ASAP2: variants seen among roughly 807,000 people sequenced by gnomAD.
The protein encoded by ASAP2 is arf-GAP with SH3 domain, ANK repeat and PH domain-containing protein 2.
A neutral mutation model predicts 131.4 loss-of-function variants in ASAP2; 45 were observed. The ratio of observed to expected loss-of-function variants is 0.34; its 90% CI spans 0.27 to 0.44. The LOEUF (loss-of-function observed/expected upper bound fraction) is 0.44. ASAP2 is among the 20% of genes least tolerant of loss of function. The pLI, the probability that ASAP2 is intolerant of heterozygous loss-of-function variation, is 1.00. For missense variants in ASAP2, 1,011 were observed against 1,297.0 expected, an observed-to-expected ratio of 0.78 and a Z score of 3.39; for synonymous variants, 510 against 503.0, an observed-to-expected ratio of 1.01 and a Z score of -0.19.
chr2:9,254,236 A>AATATATATATATATATATATATATAT (rs34570938), intron 1 of ASAP2, among the ~76,000 whole-genome samples: 15 of 47,098 alleles, frequency 3.2e-4, no homozygotes, highest in Admixed American at 2.7e-3. Context: ...AAAAAAAAAA[A>AATATATATATATATATATATATATAT]ATATATATAT....
intron 15 of ASAP2, among the ~76,000 whole-genome samples, chr2:9,366,968 C>T (rs1002199789): frequency 6.6e-6 from 1 of 151,876 alleles, no homozygotes; most frequent in Non-Finnish European, 1.5e-5. Context: ...GAGATAGACC[C>T]GATTTCAGGC....
chr2:9,262,094 C>G (rs950641215), intron 1 of ASAP2, among the ~76,000 whole-genome samples: 1 of 152,210 alleles, frequency 6.6e-6, no homozygotes, highest in African/African-American at 2.4e-5. Flanking sequence ...AGCGATCCTC[C>G]TGCCTCAGCC....
At chr2:9,265,629 T>TCAG (rs1469261604) in intron 1 of ASAP2, among the ~76,000 whole-genome samples, 3 of 152,266 alleles carry the variant, frequency 2.0e-5, no homozygotes, top group Non-Finnish European at 4.4e-5. Flanking sequence ...TCTTTCTGTA[T>TCAG]CTTTATATAC....
At chr2:9,252,018 A>G (rs1664744190) in intron 1 of ASAP2, among the ~76,000 whole-genome samples, 1 of 152,086 alleles carries the variant, frequency 6.6e-6, no homozygotes, top group African/African-American at 2.4e-5. Context: ...GTACTTGGGA[A>G]GTACTGGCCA....
chr2:9,233,901 AG>A (rs1293243526), intron 1 of ASAP2, among the ~76,000 whole-genome samples: 1 of 152,058 alleles, frequency 6.6e-6, no homozygotes, highest in Non-Finnish European at 1.5e-5. Context: ...ACCTGAGGTC[AG>A]GAGTTTGAGA....
chr2:9,274,698 C>T (rs1666636460), intron 1 of ASAP2, among the ~76,000 whole-genome samples: 1 of 152,080 alleles, frequency 6.6e-6, no homozygotes, highest in Admixed American at 6.6e-5. Context: ...TAAATATGCA[C>T]CATAATGAAG....
At chr2:9,244,229 G>A (rs1277081903) in intron 1 of ASAP2, among the ~76,000 whole-genome samples, 1 of 152,160 alleles carries the variant, frequency 6.6e-6, no homozygotes, top group Non-Finnish European at 1.5e-5. Flanking sequence ...CCGGGAGGTG[G>A]AGGTTGCAGT....
At position 9,350,896 on chromosome 2, in the gene ASAP2, G is replaced by A. The variant is rs1672287933; in HGVS notation, c.1111+1G>A. 5 of 1,604,416 alleles carry A rather than the reference G, an allele frequency of 3.1e-6. No homozygotes were observed. The highest frequency in any genetic ancestry group is 1.3e-5 in the African/African-American group (1 of 74,766). Reference sequence around the variant, plus strand: ...AAGAAGTGCTTTGACCTCATTTCACGTAAGGCTCCCTCTGAGATGCCGCGC... The same window carrying A: ...AAGAAGTGCTTTGACCTCATTTCACATAAGGCTCCCTCTGAGATGCCGCGC... On this transcript the variant is annotated splice_donor_variant, in intron 12 of 27. Coordinates refer to ENST00000281419, the MANE Select transcript of ASAP2 (RefSeq NM_003887.3). LOFTEE classifies it high-confidence loss of function.
intron 15 of ASAP2, among the ~76,000 whole-genome samples, chr2:9,360,055 G>A (rs952555246): frequency 2.0e-5 from 3 of 152,278 alleles, no homozygotes; most frequent in Admixed American, 1.3e-4. Flanking sequence ...GGTATCTCTT[G>A]GATAACTGAT....
chr2:9,313,184 G>A (rs1363685900), intron 3 of ASAP2, among the ~76,000 whole-genome samples: 1 of 152,182 alleles, frequency 6.6e-6, no homozygotes, highest in Admixed American at 6.5e-5. Context: ...AAAGCAAGCC[G>A]ACCAAGTGGG....
intron 20 of ASAP2, among the ~76,000 whole-genome samples, chr2:9,382,566 A>G (rs1305618899): frequency 3.3e-5 from 5 of 152,248 alleles, no homozygotes; most frequent in Non-Finnish European, 5.9e-5. Context: ...TAATTCTCTC[A>G]TCCTGGTTGA....
intron 9 of ASAP2, among the ~76,000 whole-genome samples, chr2:9,339,134 G>A (rs142153749): frequency 5.6e-4 from 86 of 152,250 alleles, no homozygotes; most frequent in African/African-American, 1.8e-3. Flanking sequence ...AGCCAAAATC[G>A]CACTGCTGCA....
At chr2:9,326,868 T>A (rs529879003) in intron 6 of ASAP2, among the ~76,000 whole-genome samples, 1 of 152,372 alleles carries the variant, frequency 6.6e-6, no homozygotes, top group Non-Finnish European at 1.5e-5. Flanking sequence ...TCTTCTTTTC[T>A]GTTCATCTTT....
chr2:9,261,528 G>A lies in ASAP2; in HGVS notation c.127-17789G>A, dbSNP rs114207906. 2.7e-3 allele frequency among the ~76,000 whole-genome samples: 414 copies of A among 152,358 alleles called. 2 individuals are homozygous for A. The highest frequency in any genetic ancestry group is 6.3e-3 in the African/African-American group (262 of 41,588). On this transcript the variant is annotated intron_variant, in intron 1 of 27. Transcript: ENST00000281419. ...TATGGTAGTTGGAGTTGGGCCCTAG[G>A]TGTGATTTTAGAGTACACACCTACT...
At chr2:9,369,713 T>C (rs1673784709) in intron 16 of ASAP2, among the ~76,000 whole-genome samples, 1 of 152,196 alleles carries the variant, frequency 6.6e-6, no homozygotes, top group African/African-American at 2.4e-5. Context: ...AGAAACAGCA[T>C]TTTCTGTGGA....
chr2:9,246,278 A>G (rs1323772777), intron 1 of ASAP2, among the ~76,000 whole-genome samples: 2 of 152,176 alleles, frequency 1.3e-5, no homozygotes, highest in Admixed American at 1.3e-4. Context: ...TGAGCAAACT[A>G]GTGTGAAAAT....
intron 3 of ASAP2, among the ~76,000 whole-genome samples, chr2:9,314,770 C>A (rs1188105619): frequency 2.0e-5 from 3 of 151,856 alleles, no homozygotes; most frequent in African/African-American, 7.3e-5. Flanking sequence ...CCCGTCTCTA[C>A]TAAAAATACA....
intron 3 of ASAP2, among the ~76,000 whole-genome samples, chr2:9,306,057 T>C (rs1668911454): frequency 8.7e-6 from 1 of 114,618 alleles, no homozygotes; most frequent in Non-Finnish European, 1.7e-5. Context: ...AGTATCGATA[T>C]GAGGTAGAGA....
At chr2:9,386,810 T>C (rs1313568130) in intron 21 of ASAP2, among the ~76,000 whole-genome samples, 2 of 152,156 alleles carry the variant, frequency 1.3e-5, no homozygotes, top group African/African-American at 4.8e-5. Flanking sequence ...CAAGGTTGAG[T>C]CATTTGCTCA....
Sources: allele counts gnomAD v4.1 joint callset (sites outside exome capture counted in the v4.1 genomes callset), GRCh38; gene constraint gnomAD v4.1.1; transcripts MANE v1.5; gene names NCBI Gene and HGNC (gene_info 2026-07-23, HGNC 2026-07-21).